The following CDH12 variants were observed in gnomAD, a reference collection of about 807,000 sequenced individuals.
CDH12 encodes the protein cadherin 12.
A neutral mutation model predicts 74.1 loss-of-function variants in CDH12; 41 were observed. That is an observed-to-expected ratio of 0.55 (90% CI 0.43 to 0.72). The LOEUF is 0.72. Among genes scored for constraint, CDH12 ranks in the 30% least tolerant of loss-of-function variants. CDH12 has a pLI of 0.00. For missense variants in CDH12, 945 were observed against 977.2 expected (o/e 0.97, Z 0.44); for synonymous variants, 399 against 355.0 (o/e 1.12, Z -1.39).
At chr5:21,909,699 T>A (rs1753783645) in intron 6 of CDH12, among the ~76,000 whole-genome samples, 1 of 152,104 alleles carries the variant, frequency 6.6e-6, no homozygotes, top group Non-Finnish European at 1.5e-5. Flanking sequence ...ATAAACATCA[T>A]AAAAATCTAC....
intron 1 of CDH12, among the ~76,000 whole-genome samples, chr5:22,551,684 T>G (rs2126734295): frequency 6.6e-6 from 1 of 152,146 alleles, no homozygotes; most frequent in Middle Eastern, 3.4e-3. Flanking sequence ...GATAGTTATC[T>G]AAAGGTTAAA....
chr5:21,873,846 C>T (rs1383673457), intron 6 of CDH12, among the ~76,000 whole-genome samples: 1 of 22,362 alleles, frequency 4.5e-5, no homozygotes, highest in Non-Finnish European at 9.2e-5. Flanking sequence ...TCTCAGTGTT[C>T]AGCTCCCGCT....
chr5:22,366,635 G>A (rs1220872088), intron 3 of CDH12, among the ~76,000 whole-genome samples: 3 of 152,130 alleles, frequency 2.0e-5, no homozygotes, highest in Admixed American at 1.3e-4. Context: ...TTTTTCATAA[G>A]TTGACAGATG....
At chr5:22,111,279 C>T (rs1744799982) in intron 4 of CDH12, among the ~76,000 whole-genome samples, 1 of 152,072 alleles carries the variant, frequency 6.6e-6, no homozygotes, top group African/African-American at 2.4e-5. Context: ...TCTTAGATGA[C>T]ACTAACAAAA....
intron 6 of CDH12, among the ~76,000 whole-genome samples, chr5:21,969,152 GAA>G (rs377353629): frequency 7.3e-6 from 1 of 137,476 alleles, no homozygotes; most frequent in Non-Finnish European, 1.6e-5. Flanking sequence ...AAATCTAAAA[GAA>G]AAAAAAAAAA....
At chr5:22,766,230 G>A (rs1284533467) in intron 1 of CDH12, among the ~76,000 whole-genome samples, 1 of 151,928 alleles carries the variant, frequency 6.6e-6, no homozygotes, top group African/African-American at 2.4e-5. Flanking sequence ...CTTAAAATTT[G>A]CATACCACTC....
At chr5:22,206,322 T>G (rs1751215269) in intron 4 of CDH12, among the ~76,000 whole-genome samples, 1 of 152,198 alleles carries the variant, frequency 6.6e-6, no homozygotes, top group African/African-American at 2.4e-5. Context: ...GTGCCTGTTC[T>G]TAAGGTTTGA....
At chr5:22,326,228 ATTT>A (rs111680651) in intron 3 of CDH12, among the ~76,000 whole-genome samples, 1 of 148,972 alleles carries the variant, frequency 6.7e-6, no homozygotes, top group East Asian at 2.0e-4. Flanking sequence ...CCAGTTGGCT[ATTT>A]TTTTTTTTTC....
intron 1 of CDH12, among the ~76,000 whole-genome samples, chr5:22,839,600 C>T (rs1013583053): frequency 6.6e-6 from 1 of 152,092 alleles, no homozygotes; most frequent in African/African-American, 2.4e-5. Context: ...ATGTGTTCCT[C>T]CTGCCTCGGC....
intron 1 of CDH12, among the ~76,000 whole-genome samples, chr5:22,678,324 T>A (rs1741321178): frequency 6.6e-6 from 1 of 152,178 alleles, no homozygotes; most frequent in South Asian, 2.1e-4. Flanking sequence ...ATAGAGAAGC[T>A]GTTACTGCTA....
intron 1 of CDH12, among the ~76,000 whole-genome samples, chr5:22,677,419 C>A (rs182493245): frequency 6.6e-6 from 1 of 151,584 alleles, no homozygotes; most frequent in Non-Finnish European, 1.5e-5. Context: ...TCAGAGACAG[C>A]GCTTTCCAGT....
chr5:21,916,015 G>C (rs1229101598), intron 6 of CDH12, among the ~76,000 whole-genome samples: 1 of 151,906 alleles, frequency 6.6e-6, no homozygotes, highest in Non-Finnish European at 1.5e-5. Context: ...TAATAAAAAA[G>C]CAATGTGCCA....
chr5:22,058,753 TGGAAGGAA>T (rs202139986), intron 5 of CDH12, among the ~76,000 whole-genome samples: 1 of 91,310 alleles, frequency 1.1e-5, no homozygotes, highest in Non-Finnish European at 2.2e-5. Context: ...GGAAGGAAAG[TGGAAGGAA>T]GGAAGGAAGG....
At chr5:22,552,161 T>G (rs770988965) in intron 1 of CDH12, among the ~76,000 whole-genome samples, 1 of 152,162 alleles carries the variant, frequency 6.6e-6, no homozygotes, top group Non-Finnish European at 1.5e-5. Flanking sequence ...AATTTTATTA[T>G]GTTGAGACTT....
At chr5:21,929,923 C>A (rs1455635442) in intron 6 of CDH12, among the ~76,000 whole-genome samples, 1 of 152,106 alleles carries the variant, frequency 6.6e-6, no homozygotes, top group Non-Finnish European at 1.5e-5. Context: ...CTAGATAATC[C>A]CACAGCCCAA....
chr5:21,973,758 T>C (rs1471151003), intron 6 of CDH12, among the ~76,000 whole-genome samples: 2 of 152,198 alleles, frequency 1.3e-5, no homozygotes, highest in Non-Finnish European at 2.9e-5. Flanking sequence ...AAATATTAAC[T>C]TTATTTTTCT....
intron 3 of CDH12, among the ~76,000 whole-genome samples, chr5:22,236,637 C>T (rs911527042): frequency 6.6e-6 from 1 of 152,096 alleles, no homozygotes; most frequent in Non-Finnish European, 1.5e-5. Context: ...TTCCCAACTA[C>T]TTGGGAGGCT....
At chr5:22,368,971 A>G (rs1393463730) in intron 3 of CDH12, among the ~76,000 whole-genome samples, 1 of 152,074 alleles carries the variant, frequency 6.6e-6, no homozygotes, top group Non-Finnish European at 1.5e-5. Context: ...TCTACTAAAA[A>G]TACAAAAATT....
chr5:22,477,399 C>T (rs561213020), intron 2 of CDH12, among the ~76,000 whole-genome samples: 1 of 152,218 alleles, frequency 6.6e-6, no homozygotes, highest in Admixed American at 6.5e-5. Flanking sequence ...CATCCATGTT[C>T]CTACAAAGGA....
Sources: gnomAD v4.1 joint callset for allele counts (sites outside exome capture counted in the v4.1 genomes callset) on GRCh38, gnomAD v4.1.1 for gene constraint, MANE v1.5 for transcripts, NCBI Gene and HGNC (gene_info 2026-07-23, HGNC 2026-07-21) for gene names.